PIK3AP1: variants seen among roughly 807,000 people sequenced by gnomAD.
The protein encoded by PIK3AP1 is phosphoinositide-3-kinase adaptor protein 1, also known as phosphoinositide 3-kinase adapter protein 1.
In PIK3AP1, 21 loss-of-function variants were observed where a neutral mutation model predicts 88.1. That is an observed-to-expected ratio of 0.24 (90% CI 0.17 to 0.34). PIK3AP1 has a LOEUF of 0.34. Ranked by LOEUF, PIK3AP1 falls within the 10% of genes least tolerant of loss-of-function variation. PIK3AP1 has a pLI of 1.00. For missense variants in PIK3AP1, 828 were observed against 1,035.7 expected (o/e 0.80, Z 2.75); for synonymous variants, 398 against 400.0 (o/e 1.00, Z 0.06).
At chr10:96,719,534 T>C (rs963302827) in intron 1 of PIK3AP1, among the ~76,000 whole-genome samples, 1 of 152,216 alleles carries the variant, frequency 6.6e-6, no homozygotes, top group Non-Finnish European at 1.5e-5. Context: ...CATAAACTCC[T>C]GGAGAGCAGA....
intron 9 of PIK3AP1, among the ~76,000 whole-genome samples, chr10:96,627,361 C>T (rs1408705600): frequency 6.6e-6 from 1 of 152,198 alleles, no homozygotes; most frequent in Non-Finnish European, 1.5e-5. Flanking sequence ...GGGGTCAGCA[C>T]ACATTTTTTT....
At chr10:96,709,131 C>CAAA (rs113424134) in intron 2 of PIK3AP1, among the ~76,000 whole-genome samples, 39 of 79,506 alleles carry the variant, frequency 4.9e-4, no homozygotes, top group Non-Finnish European at 6.4e-4. Context: ...GACTCCGACT[C>CAAA]AAAAAAAAAA....
At chr10:96,708,719 A>G (rs951335376) in intron 2 of PIK3AP1, among the ~76,000 whole-genome samples, 1 of 152,078 alleles carries the variant, frequency 6.6e-6, no homozygotes, top group South Asian at 2.1e-4. Flanking sequence ...GAAGTCACTA[A>G]CCCCGGCAGA....
At chr10:96,657,495 T>C (rs555890784) in intron 2 of PIK3AP1, among the ~76,000 whole-genome samples, 3 of 152,154 alleles carry the variant, frequency 2.0e-5, no homozygotes, top group Admixed American at 6.5e-5. Context: ...CACGGAAAGA[T>C]TGGAGCATGC....
At chr10:96,668,755 A>G (rs987623864) in intron 2 of PIK3AP1, among the ~76,000 whole-genome samples, 2 of 152,222 alleles carry the variant, frequency 1.3e-5, no homozygotes, top group Non-Finnish European at 2.9e-5. Context: ...GATGCAGATG[A>G]GCAACCTAAG....
chr10:96,677,286 C>A (rs986738202), intron 2 of PIK3AP1, among the ~76,000 whole-genome samples: 2 of 152,046 alleles, frequency 1.3e-5, no homozygotes, highest in African/African-American at 4.8e-5. Flanking sequence ...TTTATCCTTC[C>A]CACCAATTGA....
intron 16 of PIK3AP1, among the ~76,000 whole-genome samples, chr10:96,597,569 G>A (rs536938208): frequency 3.3e-5 from 5 of 152,070 alleles, no homozygotes; most frequent in Admixed American, 1.3e-4. Context: ...GAACCTATAG[G>A]AACATATAGC....
Position 96,709,763 on chromosome 10 carries a change from G to T in PIK3AP1, c.234C>A (p.His78Gln). ...VVLLSAELVQ[H>Q]FHKPALLPLL... ...GGGGCAGCAAGGCGGGCTTGTGGAA[G>T]TGCTGCACCAGCTCCGCGGACAGCA... Residue 78 changes from histidine to glutamine, a missense_variant, in exon 2 of 17, where the codon CAC (histidine) becomes CAA (glutamine). This residue lies in a region of PIK3AP1 where 610 missense variants were observed against 760.1 expected (regional missense o/e 0.80). Transcript: ENST00000339364. The T allele has an allele frequency of 6.2e-7, 1 of 1,613,900 alleles. No individual in the cohort carries two copies. Among genetic ancestry groups the T allele is most frequent in the Non-Finnish European group, 8.5e-7 (1 of 1,179,854 alleles).
At chr10:96,603,936 G>A (rs1389145016) in intron 15 of PIK3AP1, 43 bp downstream of exon 15, 14 of 1,482,100 alleles carry the variant, frequency 9.4e-6, no homozygotes, top group South Asian at 3.8e-5. Flanking sequence ...GCGATGAAAC[G>A]ACCCCTAGGA....
At chr10:96,710,007 G>A in intron 1 of PIK3AP1, 24 bp from the exon 2 acceptor site, 4 of 1,554,218 alleles carry the variant, frequency 2.6e-6, no homozygotes, top group Non-Finnish European at 3.5e-6. Context: ...AGGCACAGAA[G>A]CATGTTAGCA....
intron 7 of PIK3AP1, 117 bp downstream of exon 7, chr10:96,648,542 A>G (rs1843491615): frequency 7.1e-6 from 8 of 1,120,196 alleles, no homozygotes; most frequent in Non-Finnish European, 8.6e-6. Context: ...GCCCATGGCC[A>G]GAAGAGGTAC....
Position 96,595,619 on chromosome 10 carries a change from C to T in PIK3AP1, c.2376G>A (p.Glu792=). 1.2e-6 allele frequency: 2 copies of T among 1,613,248 alleles called. No homozygotes were observed. The highest frequency in any genetic ancestry group is 2.2e-5 in the South Asian group (2 of 90,792). ...GAACAGGTGGAGGAGGATGGAAGGTCTCCCTGGTCGGAGGCCTAAAATGAA... is the reference window on the plus strand; with the variant it reads ...GAACAGGTGGAGGAGGATGGAAGGTTTCCCTGGTCGGAGGCCTAAAATGAA... ...RAASQRPPTR[E]TFHPPPPVPP... The change falls in exon 17 of 17, where the codon GAG becomes GAA. Residue 792 remains glutamate, a synonymous_variant. Transcript: ENST00000339364.
chr10:96,704,723 A>AG (rs1463219815), intron 2 of PIK3AP1, among the ~76,000 whole-genome samples: 1 of 151,696 alleles, frequency 6.6e-6, no homozygotes, highest in Admixed American at 6.6e-5. Context: ...TATCTCAAAA[A>AG]GAAAAAAAAA....
In PIK3AP1 at chr10:96,645,575, G is replaced by A. The variant is rs760450359; in HGVS notation, c.1273C>T (p.Leu425Phe). The A allele has an allele frequency of 1.2e-6, 2 of 1,613,852 alleles. No individual in the cohort carries two copies. Among genetic ancestry groups the A allele is most frequent in the Non-Finnish European group, 1.7e-6 (2 of 1,179,946 alleles). The change falls in exon 8 of 17, where the codon CTT (leucine) becomes TTT (phenylalanine). Residue 425 changes from leucine to phenylalanine, a missense_variant. Around this residue, in one of 3 missense-constraint regions of PIK3AP1, gnomAD observed 610 missense variants for 760.1 expected, o/e 0.80. Coordinates refer to ENST00000339364, the MANE Select transcript of PIK3AP1 (RefSeq NM_152309.3). Reference sequence around the variant, plus strand: ...CATTTCATAAGCAGGTCTGTGGAAAGGTGGGCCATGGACTCGTACACAGCA... The same window carrying A: ...CATTTCATAAGCAGGTCTGTGGAAAAGTGGGCCATGGACTCGTACACAGCA... The part of the protein sequence containing the change: ...ADAVYESMAH[L>F]STDLLMKCSL...
At chr10:96,597,296 T>TTCCTTCCG (rs1241058708) in intron 16 of PIK3AP1, among the ~76,000 whole-genome samples, 2 of 130,288 alleles carry the variant, frequency 1.5e-5, no homozygotes, top group East Asian at 4.6e-4. Context: ...CCTTCCTTCC[T>TTCCTTCCG]TCCTTCCTTC....
At chr10:96,680,794 A>C (rs1449957914) in intron 2 of PIK3AP1, among the ~76,000 whole-genome samples, 2 of 152,204 alleles carry the variant, frequency 1.3e-5, no homozygotes, top group Non-Finnish European at 2.9e-5. Context: ...AAATCCTGCA[A>C]TTCACTTTCA....
intron 4 of PIK3AP1, among the ~76,000 whole-genome samples, 199 bp from the exon 5 acceptor site, chr10:96,651,850 C>T (rs1317610782): frequency 2.0e-5 from 3 of 151,982 alleles, no homozygotes; most frequent in Non-Finnish European, 2.9e-5. Context: ...TGGCAGGGCT[C>T]TGGGCCACAG....
intron 2 of PIK3AP1, among the ~76,000 whole-genome samples, chr10:96,707,056 T>C (rs981513285): frequency 6.6e-6 from 1 of 152,200 alleles, no homozygotes; most frequent in South Asian, 2.1e-4. Flanking sequence ...CCCATTAAAG[T>C]AATCTCTTTC....
intron 4 of PIK3AP1, 127 bp downstream of exon 4, chr10:96,652,571 T>A (rs1843554345): frequency 1.7e-6 from 2 of 1,157,216 alleles, no homozygotes; most frequent in Admixed American, 2.0e-5. Context: ...AGACTCTGTC[T>A]CAAAAAAAAA....
Sources: gnomAD v4.1 joint callset for allele counts (sites outside exome capture counted in the v4.1 genomes callset) on GRCh38, gnomAD v4.1.1 for gene constraint, gnomAD v4.1.1 regional missense constraint, MANE v1.5 for transcripts, NCBI Gene and HGNC (gene_info 2026-07-23, HGNC 2026-07-21) for gene names.